Variants in APOO observed in about 807,000 individuals in gnomAD.
APOO encodes the protein apolipoprotein O.
APOO carries 11 observed loss-of-function variants against 23.1 expected under a neutral mutation model. The ratio of observed to expected loss-of-function variants is 0.48; its 90% CI spans 0.30 to 0.79. APOO has a LOEUF of 0.79. APOO is among the 30% of genes least tolerant of loss of function. The pLI is 0.07. For missense variants in APOO, 160 were observed against 142.7 expected (o/e 1.12, Z -0.62); for synonymous variants, 59 against 54.8 (o/e 1.08, Z -0.34).
rs543879334 is a variant in APOO, at chrX:23,841,486, T to TAA, written c.562-1111_562-1110dup. Among the ~76,000 whole-genome samples, 1,387 of 65,037 alleles carry TAA rather than the reference T, an allele frequency of 0.021. 173 individuals carry two copies. In the East Asian group the frequency reaches 0.38, roughly 18 times the overall value. 56.5% of individuals were successfully genotyped at this position (65,037 alleles called of 115,157 possible). A position where few individuals can be genotyped will look rare whatever the true frequency, so the allele number is the denominator to read the frequency against. ...CTTGGGCAACATAGAAAAAGAAGTT[T>TAA]AAAAAAAAAAAAAAAAAAAAAAAGA... On this transcript the variant is annotated intron_variant, in intron 7 of 8. Transcript: ENST00000379226.
chrX:23,838,978 A>T (rs948024225), intron 8 of APOO, among the ~76,000 whole-genome samples: 1 of 111,446 alleles, frequency 9.0e-6, no homozygotes, highest in South Asian at 3.7e-4. Context: ...ACAGGGATTT[A>T]AAAAAAGAGA....
intron 1 of APOO, chrX:23,884,102 G>A (rs182735794): frequency 1.8e-5 from 2 of 111,852 alleles, no homozygotes; most frequent in Non-Finnish European, 3.8e-5. Flanking sequence ...AGAGAAGTTG[G>A]TTGTAGCCAG....
chrX:23,882,039 G>T (rs1456751279), intron 1 of APOO, among the ~76,000 whole-genome samples: 2 of 108,286 alleles, frequency 1.8e-5, no homozygotes, highest in Non-Finnish European at 3.8e-5. Flanking sequence ...TCCTTAGGTT[G>T]TATCCTGGTG....
chrX:23,869,640 GAAAAAAAAAAAA>G (rs761388017), intron 4 of APOO, among the ~76,000 whole-genome samples: 3 of 33,933 alleles, frequency 8.8e-5, no homozygotes, highest in Non-Finnish European at 1.5e-4. Context: ...CTCTTAAAAA[GAAAAAAAAAAAA>G]AAAAAAAAAA....
At chrX:23,874,354 T>C (rs1925750065) in intron 4 of APOO, 49 bp downstream of exon 4, 1 of 1,067,177 alleles carries the variant, frequency 9.4e-7, no homozygotes, top group Admixed American at 2.2e-5. Context: ...GATTAAAGAG[T>C]TCAATGTTAA....
chrX:23,868,708 G>A lies in APOO; in HGVS notation c.293-20C>T. 8.7e-7 allele frequency: 1 copy of A among 1,152,001 alleles called. No homozygotes were observed. The highest frequency in any genetic ancestry group is 2.3e-5 in the Admixed American group (1 of 43,964). 94.9% of individuals were successfully genotyped at this position (1,152,001 alleles called of 1,213,427 possible). ...AGCTGTCTACAATAGAATTAGACCA[G>A]GAAGCAGTTCCATAAATTTCTCATT... On this transcript the variant is annotated intron_variant, in intron 4 of 8. Transcript: ENST00000379226.
At chrX:23,889,078 G>A (rs1220460716) in intron 1 of APOO, among the ~76,000 whole-genome samples, 1 of 109,553 alleles carries the variant, frequency 9.1e-6, no homozygotes, top group Non-Finnish European at 1.9e-5. Context: ...GGAGGTCAAG[G>A]ATGCAGTGAG....
Position 23,868,646 on chromosome X carries a change from G to T in APOO, c.335C>A (p.Pro112Gln), listed in dbSNP as rs769784742. 1 of 1,208,459 alleles carries T rather than the reference G, an allele frequency of 8.3e-7. No individual in the cohort carries two copies. Among genetic ancestry groups the T allele is most frequent in the South Asian group, 1.8e-5 (1 of 56,654 alleles). Reference protein sequence around the residue: ...YLQNAPPGFFPRLGVIGFAGL... With the variant: ...YLQNAPPGFFQRLGVIGFAGL... ...AGCAAAACCAATAACACCAAGTCTC[G>T]GAAAAAATCCAGGAGGTGCATTTTG... is the stretch of plus-strand genomic sequence containing the variant. The change falls in exon 5 of 9, where the codon CCG becomes CAG. Residue 112 changes from proline to glutamine, a missense_variant. Physicochemically the swap from Pro to Gln is moderately conservative, Grantham distance 76. Transcript: ENST00000379226.
chrX:23,863,923 G>C (rs1174240290), intron 5 of APOO, among the ~76,000 whole-genome samples: 1 of 110,692 alleles, frequency 9.0e-6, no homozygotes, highest in Non-Finnish European at 1.9e-5. Flanking sequence ...ACATGGCCTT[G>C]ACTCCACTGA....
At chrX:23,842,975 T>A (rs1250146095) in intron 7 of APOO, among the ~76,000 whole-genome samples, 3 of 111,582 alleles carry the variant, frequency 2.7e-5, no homozygotes, top group African/African-American at 9.8e-5. Context: ...GCCATTGCAC[T>A]CCAGCCTGGG....
chrX:23,906,220 C>G (rs980436935), intron 1 of APOO, among the ~76,000 whole-genome samples: 1 of 112,668 alleles, frequency 8.9e-6, no homozygotes, highest in African/African-American at 3.2e-5. Flanking sequence ...GCAGAACTGC[C>G]CAGCCAACCC....
At chrX:23,897,575 T>C (rs1362359234) in intron 1 of APOO, among the ~76,000 whole-genome samples, 2 of 112,099 alleles carry the variant, frequency 1.8e-5, no homozygotes, top group East Asian at 5.6e-4. Context: ...TAAGGAAATA[T>C]AGGGAGGAAA....
intron 7 of APOO, among the ~76,000 whole-genome samples, chrX:23,851,168 C>T (rs1924516774): frequency 9.5e-6 from 1 of 104,899 alleles, no homozygotes; most frequent in Non-Finnish European, 1.9e-5. Context: ...TGAGGGGACC[C>T]ATGGAAGACT....
At chrX:23,836,308 T>A (rs1569223429) in intron 8 of APOO, among the ~76,000 whole-genome samples, 1 of 110,590 alleles carries the variant, frequency 9.0e-6, no homozygotes, top group Non-Finnish European at 1.9e-5. Context: ...CTTAATTTCC[T>A]TTTTTTCTTT....
At chrX:23,895,428 C>T (rs766319524) in intron 1 of APOO, among the ~76,000 whole-genome samples, 1 of 111,551 alleles carries the variant, frequency 9.0e-6, no homozygotes, top group Non-Finnish European at 1.9e-5. Flanking sequence ...CATGTTCTCA[C>T]TCATAAGTGG....
intron 1 of APOO, among the ~76,000 whole-genome samples, chrX:23,884,641 C>G (rs905216563): frequency 1.8e-5 from 2 of 111,260 alleles, no homozygotes; most frequent in Non-Finnish European, 3.8e-5. Flanking sequence ...AGGGCAAGGG[C>G]TGGGGGGAGT....
At chrX:23,896,007 T>C (rs1247732319) in intron 1 of APOO, among the ~76,000 whole-genome samples, 1 of 110,896 alleles carries the variant, frequency 9.0e-6, no homozygotes, top group Non-Finnish European at 1.9e-5. Context: ...CAGTGGCTCA[T>C]GCCTGTAATC....
Position 23,907,770 on chromosome X carries a change from T to A in APOO, c.-68A>T. On this transcript the variant is annotated 5_prime_UTR_variant, in exon 1 of 9. Coordinates refer to ENST00000379226, the MANE Select transcript of APOO (RefSeq NM_024122.5). ...GCCACGCCCACTATAGAGAGGTGAC[T>A]ACGGAGGCCCGGTAGGGCCTTGATT... 1.8e-6 allele frequency: 2 copies of A among 1,105,513 alleles called. No homozygotes were observed. The highest frequency in any genetic ancestry group is 2.4e-6 in the Non-Finnish European group (2 of 835,383). The allele number at this position is 1,105,513 out of a possible 1,213,427, so 91.1% of individuals were successfully genotyped here.
intron 8 of APOO, among the ~76,000 whole-genome samples, chrX:23,836,308 TTTTTTTC>T (rs997866280): frequency 1.4e-4 from 16 of 110,638 alleles, no homozygotes; most frequent in Admixed American, 1.2e-3. Flanking sequence ...CTTAATTTCC[TTTTTTTC>T]TTTTTTCTTT....
Sources: allele counts gnomAD v4.1 joint callset (sites outside exome capture counted in the v4.1 genomes callset), GRCh38; gene constraint gnomAD v4.1.1; transcripts MANE v1.5; gene names NCBI Gene and HGNC (gene_info 2026-07-23, HGNC 2026-07-21).